SLC1A1: variants seen among roughly 807,000 people sequenced by gnomAD.
The protein encoded by SLC1A1 is excitatory amino acid transporter 3.
Under a neutral mutation model 53.3 loss-of-function variants are expected in SLC1A1, and 43 were observed. That is an observed-to-expected ratio of 0.81 (90% confidence interval 0.63 to 1.04). The LOEUF is 1.04. Among genes scored for constraint, SLC1A1 ranks in the 50% least tolerant of loss-of-function variants. SLC1A1 has a pLI of 0.00. For synonymous variants in SLC1A1, 307 were observed against 243.2 expected (o/e 1.26, Z -2.44); for missense variants, 748 against 664.9 (o/e 1.12, Z -1.37).
intron 2 of SLC1A1, among the ~76,000 whole-genome samples, chr9:4,560,239 T>C (rs1177041485): frequency 6.6e-6 from 1 of 152,194 alleles, no homozygotes; most frequent in Non-Finnish European, 1.5e-5. Flanking sequence ...GGAAACACAC[T>C]AACCAGAATG....
At chr9:4,516,683 C>T (rs1245384171) in intron 1 of SLC1A1, among the ~76,000 whole-genome samples, 1 of 152,210 alleles carries the variant, frequency 6.6e-6, no homozygotes, top group Non-Finnish European at 1.5e-5. Context: ...TTTCTCCAAT[C>T]TAGGCTGGCT....
chr9:4,546,339 C>G (rs901073891), intron 2 of SLC1A1, among the ~76,000 whole-genome samples: 2 of 152,040 alleles, frequency 1.3e-5, no homozygotes, highest in Non-Finnish European at 2.9e-5. Flanking sequence ...TTATTTGTCC[C>G]ATGTAATATT....
chr9:4,500,969 G>T (rs1314034380), intron 1 of SLC1A1, among the ~76,000 whole-genome samples: 1 of 152,030 alleles, frequency 6.6e-6, no homozygotes, highest in Non-Finnish European at 1.5e-5. Flanking sequence ...AGACAGGGAG[G>T]GATACAGTGC....
chr9:4,503,759 A>C (rs184334782), intron 1 of SLC1A1, among the ~76,000 whole-genome samples: 22 of 152,052 alleles, frequency 1.4e-4, no homozygotes, highest in African/African-American at 5.3e-4. Flanking sequence ...GCAATACTAC[A>C]CAGGTCTGTC....
At chr9:4,490,870 G>T (rs1586679583) in intron 1 of SLC1A1, 100 bp downstream of exon 1, 1 of 1,015,026 alleles carries the variant, frequency 9.9e-7, no homozygotes, top group East Asian at 2.6e-5. Flanking sequence ...CGCACTCCAT[G>T]CAGGGTCCCT....
chr9:4,494,661 T>G (rs555140347), intron 1 of SLC1A1, among the ~76,000 whole-genome samples: 1 of 151,072 alleles, frequency 6.6e-6, no homozygotes, highest in African/African-American at 2.4e-5. Flanking sequence ...ATATAATTTA[T>G]ATAAATATAA....
intron 6 of SLC1A1, among the ~76,000 whole-genome samples, chr9:4,571,293 T>C (rs1278448817): frequency 2.7e-5 from 4 of 147,770 alleles, no homozygotes; most frequent in Admixed American, 6.8e-5. Context: ...CTAGGCTTAA[T>C]ACCTGGGTGA....
At chr9:4,531,571 G>C (rs1816471221) in intron 1 of SLC1A1, among the ~76,000 whole-genome samples, 1 of 152,180 alleles carries the variant, frequency 6.6e-6, no homozygotes, top group Non-Finnish European at 1.5e-5. Context: ...GCTCGAACTG[G>C]GTGGAGCCCA....
chr9:4,574,929 T>A lies in SLC1A1; in HGVS notation c.875+915T>A, dbSNP rs1054030079. ...ACAGAGGCAGATTTGGTCCCTACAG[T>A]GTGAGGCCCCTGGCGCTAAGGGAGG... On this transcript the variant is annotated intron_variant, in intron 8 of 11. Coordinates refer to ENST00000262352, the MANE Select transcript of SLC1A1 (RefSeq NM_004170.6). Among the ~76,000 whole-genome samples the A allele has an allele frequency of 4.6e-5, 7 of 152,274 alleles. No homozygotes were observed. In the East Asian group the frequency reaches 1.4e-3, roughly 29 times the overall value.
At chr9:4,578,457 AAGG>A (rs1276804574) in intron 10 of SLC1A1, among the ~76,000 whole-genome samples, 3 of 152,150 alleles carry the variant, frequency 2.0e-5, no homozygotes, top group Admixed American at 2.0e-4. Flanking sequence ...CAGAGAAGAG[AAGG>A]AGATTAAGGA....
chr9:4,583,155 T>G lies in SLC1A1; in HGVS notation c.1311T>G (p.Ile437Met). 2 of 1,614,236 alleles carry G rather than the reference T, an allele frequency of 1.2e-6. No homozygotes were observed. Among genetic ancestry groups the G allele is most frequent in the Non-Finnish European group, 1.7e-6 (2 of 1,180,040 alleles). ...GLPAEDVTLI[I>M]AVDWLLDRFR... ...CCGCCGAGGATGTCACCCTGATCAT[T>G]GCTGTCGACTGGCTCCTGTGAGTTG... is the stretch of plus-strand genomic sequence containing the variant. The change falls in exon 11 of 12, where the codon ATT becomes ATG. Residue 437 changes from isoleucine to methionine, a missense_variant. By Grantham distance (10) the Ile-to-Met change is conservative. Coordinates refer to ENST00000262352, the MANE Select transcript of SLC1A1 (RefSeq NM_004170.6). The surrounding 1 kb of genome is among the most constrained non-coding windows in gnomAD (Gnocchi z 4.6).
In SLC1A1 at chr9:4,505,074, C is replaced by T. The variant is rs572675029; in HGVS notation, c.91+14304C>T. ...TTTTTTTTTTTTTTTTGAGATACAG[C>T]CTCACTATGTCGCCCAGGCTGGAGT... On this transcript the variant is annotated intron_variant, in intron 1 of 11. Transcript: ENST00000262352. Among the ~76,000 whole-genome samples the T allele has an allele frequency of 8.6e-3, 1,017 of 117,908 alleles. 13 individuals carry two copies. Among genetic ancestry groups the T allele is most frequent in the African/African-American group, 0.03 (963 of 32,066 alleles). 77.4% of individuals were successfully genotyped at this position (117,908 alleles called of 152,430 possible). A position where few individuals can be genotyped will look rare whatever the true frequency, so the allele number is the denominator to read the frequency against.
intron 1 of SLC1A1, among the ~76,000 whole-genome samples, chr9:4,498,870 TGA>T (rs1354694565): frequency 6.7e-6 from 1 of 148,344 alleles, no homozygotes; most frequent in Non-Finnish European, 1.5e-5. Flanking sequence ...TCTAAAATAC[TGA>T]GAGATATGTG....
chr9:4,527,469 TG>T (rs1302678110), intron 1 of SLC1A1, among the ~76,000 whole-genome samples: 2 of 152,178 alleles, frequency 1.3e-5, no homozygotes, highest in Non-Finnish European at 2.9e-5. Flanking sequence ...ATATAAACAG[TG>T]CTGGTTTTGT....
chr9:4,535,774 A>AAGCTGGAG (rs1280827152), intron 1 of SLC1A1, among the ~76,000 whole-genome samples: 4 of 152,264 alleles, frequency 2.6e-5, no homozygotes, highest in Admixed American at 2.6e-4. Flanking sequence ...CAAAAGAACA[A>AAGCTGGAG]AGCTGGAGGC....
chr9:4,554,643 A>T (rs183511355), intron 2 of SLC1A1, among the ~76,000 whole-genome samples: 54 of 152,312 alleles, frequency 3.5e-4, no homozygotes, highest in African/African-American at 1.2e-3. Context: ...AGGGGATGAG[A>T]CAGGAAGATG....
intron 1 of SLC1A1, among the ~76,000 whole-genome samples, chr9:4,539,550 T>G (rs1337475712): frequency 2.6e-5 from 4 of 152,106 alleles, no homozygotes; most frequent in African/African-American, 7.2e-5. Flanking sequence ...CCATGTTTCT[T>G]TCTTTGTGTT....
At chr9:4,529,078 ACCT>A in intron 1 of SLC1A1, among the ~76,000 whole-genome samples, 1 of 151,970 alleles carries the variant, frequency 6.6e-6, no homozygotes, top group African/African-American at 2.4e-5. Context: ...TAACTCGTCC[ACCT>A]CCTAAATTTG....
At chr9:4,491,747 G>A (rs1290171218) in intron 1 of SLC1A1, among the ~76,000 whole-genome samples, 5 of 152,318 alleles carry the variant, frequency 3.3e-5, no homozygotes, top group South Asian at 2.1e-4. Context: ...TGCACCCTCT[G>A]AGGAATGTGG....
Sources: allele counts gnomAD v4.1 joint callset (sites outside exome capture counted in the v4.1 genomes callset), GRCh38; gene constraint gnomAD v4.1.1; non-coding constraint Gnocchi (gnomAD v3.1); transcripts MANE v1.5; gene names NCBI Gene and HGNC (gene_info 2026-07-23, HGNC 2026-07-21).